The following TMED10 variants were observed in gnomAD, a reference collection of about 807,000 sequenced individuals.
TMED10 encodes the protein transmembrane emp24 domain-containing protein 10.
TMED10 carries 7 observed loss-of-function variants against 23.1 expected under a neutral mutation model. The observed-to-expected ratio is 0.30, with a 90% CI of 0.17 to 0.57. The LOEUF is 0.57. TMED10 is among the 20% of genes least tolerant of loss of function. TMED10 has a pLI of 0.91. For missense variants in TMED10, 162 were observed against 274.8 expected (o/e 0.59, Z 2.90); for synonymous variants, 113 against 106.9 (o/e 1.06, Z -0.35).
chr14:75,169,401 C>T (rs777140562), intron 1 of TMED10, among the ~76,000 whole-genome samples: 5 of 152,138 alleles, frequency 3.3e-5, no homozygotes, highest in Non-Finnish European at 5.9e-5. Flanking sequence ...CAGTGGCTCA[C>T]GCCTGTAATC....
At chr14:75,140,228 G>A (rs1382575990) in intron 3 of TMED10, among the ~76,000 whole-genome samples, 1 of 152,012 alleles carries the variant, frequency 6.6e-6, no homozygotes, top group Non-Finnish European at 1.5e-5. Flanking sequence ...AGCCTCCCAA[G>A]TAGCTGGGAT....
intron 3 of TMED10, among the ~76,000 whole-genome samples, chr14:75,142,937 C>T (rs1345732605): frequency 2.0e-5 from 3 of 152,122 alleles, no homozygotes; most frequent in Non-Finnish European, 4.4e-5. Context: ...TGGCTCACTG[C>T]AACCTCTGCC....
chr14:75,139,084 C>A, intron 3 of TMED10: 1 of 437,960 alleles, frequency 2.3e-6, no homozygotes. Context: ...CTTCATGGTT[C>A]CTCAATTCCC....
intron 1 of TMED10, among the ~76,000 whole-genome samples, chr14:75,160,933 G>T (rs1271108499): frequency 1.3e-5 from 2 of 152,114 alleles, no homozygotes; most frequent in Admixed American, 1.3e-4. Context: ...AATCCCAGCT[G>T]CTCAGGAGGC....
At chr14:75,156,800 G>A (rs1310593596) in intron 1 of TMED10, among the ~76,000 whole-genome samples, 3 of 151,860 alleles carry the variant, frequency 2.0e-5, no homozygotes, top group Admixed American at 6.6e-5. Flanking sequence ...ATGGTGATGC[G>A]TGCCTGTAGT....
rs1294723756 is a variant in TMED10 at position 75,131,470 on chromosome 14, G to GA, written c.*3414_*3415insT. On this transcript the variant is annotated 3_prime_UTR_variant, in exon 5 of 5. Coordinates refer to ENST00000303575, the MANE Select transcript of TMED10 (RefSeq NM_006827.6). ...TCAAGAGTAACAGTACACCTAAAAT[G>GA]GTTTCTGCTAGCCTTTATTTGAGAA... The GA allele has an allele frequency of 1.3e-5, 2 of 152,434 alleles. No homozygotes were observed. Among genetic ancestry groups the GA allele is most frequent in the Admixed American group, 6.6e-5 (1 of 15,256 alleles). The allele number at this position is 152,434 out of a possible 1,614,324, so 9.4% of individuals were successfully genotyped here.
At chr14:75,173,572 T>G (rs776113729) in intron 1 of TMED10, among the ~76,000 whole-genome samples, 11 of 152,180 alleles carry the variant, frequency 7.2e-5, no homozygotes, top group Non-Finnish European at 1.2e-4. Context: ...CCTGGTCCAA[T>G]TTATTCAATG....
chr14:75,174,501 T>C (rs1325939105), intron 1 of TMED10, among the ~76,000 whole-genome samples: 1 of 151,476 alleles, frequency 6.6e-6, no homozygotes, highest in Non-Finnish European at 1.5e-5. Flanking sequence ...CTCTGAAGAG[T>C]TGGAAGCATG....
chr14:75,157,523 G>C (rs575638036), intron 1 of TMED10, among the ~76,000 whole-genome samples: 1 of 152,030 alleles, frequency 6.6e-6, no homozygotes, highest in African/African-American at 2.4e-5. Context: ...GTTGACATGC[G>C]CCTGTGGTCC....
chr14:75,138,001 A>G (rs1895774431), intron 3 of TMED10, among the ~76,000 whole-genome samples: 1 of 151,978 alleles, frequency 6.6e-6, no homozygotes, highest in African/African-American at 2.4e-5. Flanking sequence ...GAGCCACTGC[A>G]CCTGGCCTTA....
chr14:75,135,757 C>CA lies in TMED10; in HGVS notation c.538+2dup. On this transcript the variant is annotated splice_region_variant and intron_variant, in intron 4 of 4. Coordinates refer to ENST00000303575, the MANE Select transcript of TMED10 (RefSeq NM_006827.6). ...AAGAAGTAAGAGTCGCCTTCCCCCT[C>CA]ACCGTTGGTATCACGCATCTCCTCT... 6.2e-7 allele frequency: 1 copy of CA among 1,612,716 alleles called. No homozygotes were observed. The highest frequency in any genetic ancestry group is 8.5e-7 in the Non-Finnish European group (1 of 1,179,680).
intron 1 of TMED10, among the ~76,000 whole-genome samples, chr14:75,174,218 G>A (rs1205984202): frequency 1.3e-5 from 2 of 152,148 alleles, no homozygotes; most frequent in Admixed American, 6.6e-5. Context: ...CTAGTAAGTA[G>A]GTCAAGGCAT....
At chr14:75,176,292 C>G in intron 1 of TMED10, 63 bp downstream of exon 1, 1 of 1,595,178 alleles carries the variant, frequency 6.3e-7, no homozygotes, top group Admixed American at 1.7e-5. Context: ...CCCCCGAACC[C>G]GAGCCTCCCC....
chr14:75,160,881 C>T (rs1896077572), intron 1 of TMED10, among the ~76,000 whole-genome samples: 1 of 151,964 alleles, frequency 6.6e-6, no homozygotes, highest in African/African-American at 2.4e-5. Flanking sequence ...CCTGTCTCTG[C>T]TAAAAATAAA....
At chr14:75,164,559 ATATATATATATATATATAT>A (rs1458894050) in intron 1 of TMED10, among the ~76,000 whole-genome samples, 2,854 of 32,138 alleles carry the variant, frequency 0.089, 217 homozygotes, top group Non-Finnish European at 0.1. Flanking sequence ...ATATATATAT[ATATATATATATATATATAT>A]TTTTTTTTTT....
intron 1 of TMED10, among the ~76,000 whole-genome samples, chr14:75,166,074 C>G (rs959757010): frequency 1.3e-5 from 2 of 151,958 alleles, no homozygotes; most frequent in African/African-American, 4.8e-5. Flanking sequence ...AATACTACTG[C>G]GGGGGTGAAG....
chr14:75,162,491 G>A (rs148204550), intron 1 of TMED10, among the ~76,000 whole-genome samples: 52 of 152,214 alleles, frequency 3.4e-4, no homozygotes, highest in African/African-American at 1.1e-3. Flanking sequence ...CAAATCTTCC[G>A]TGAAGATTCT....
chr14:75,161,522 C>T (rs759277751), intron 1 of TMED10, among the ~76,000 whole-genome samples: 20 of 152,134 alleles, frequency 1.3e-4, no homozygotes, highest in Admixed American at 3.3e-4. Context: ...GAAGTAACCA[C>T]GAACAACAAT....
chr14:75,150,388 C>A (rs1240855867), intron 2 of TMED10, among the ~76,000 whole-genome samples: 2 of 152,180 alleles, frequency 1.3e-5, no homozygotes, highest in Admixed American at 1.3e-4. Context: ...CACAGCCCCA[C>A]CTGGTCCAAA....
Sources: allele counts gnomAD v4.1 joint callset (sites outside exome capture counted in the v4.1 genomes callset), GRCh38; gene constraint gnomAD v4.1.1; transcripts MANE v1.5; gene names NCBI Gene and HGNC (gene_info 2026-07-23, HGNC 2026-07-21).